NOTCH2NLC: variants seen among roughly 807,000 people sequenced by gnomAD.
NOTCH2NLC encodes notch homolog 2 N-terminal-like protein C.
NOTCH2NLC carries 4 observed loss-of-function variants against 17.7 expected under a neutral mutation model. The ratio of observed to expected loss-of-function variants is 0.23; its 90% confidence interval spans 0.11 to 0.52. The LOEUF is 0.52. Among genes scored for constraint, NOTCH2NLC ranks in the 20% least tolerant of loss-of-function variants. NOTCH2NLC has a pLI of 0.96. For missense variants in NOTCH2NLC, 57 were observed against 207.2 expected (o/e 0.28, Z 4.45); for synonymous variants, 18 against 86.0 (o/e 0.21, Z 4.38).
At chr1:149,460,272 C>A (rs1447861870) in intron 3 of NOTCH2NLC, among the ~76,000 whole-genome samples, 1,913 of 148,470 alleles carry the variant, frequency 0.013, 90 homozygotes, top group Middle Eastern at 0.029. Flanking sequence ...AAATGTCACT[C>A]TGAAATGGTC....
At chr1:149,399,943 A>G (rs1443874710) in intron 1 of NOTCH2NLC, among the ~76,000 whole-genome samples, 1 of 149,848 alleles carries the variant, frequency 6.7e-6, no homozygotes, top group Non-Finnish European at 1.5e-5. Context: ...CCTTTACAAG[A>G]TTTTTTTATT....
chr1:149,449,171 G>C (rs1158695863), intron 2 of NOTCH2NLC, among the ~76,000 whole-genome samples: 3 of 150,884 alleles, frequency 2.0e-5, no homozygotes, highest in Admixed American at 6.6e-5. Flanking sequence ...GTGAGCCACC[G>C]CACCTGGCCT....
At chr1:149,457,813 G>A (rs1186119844) in intron 3 of NOTCH2NLC, among the ~76,000 whole-genome samples, 1 of 82,246 alleles carries the variant, frequency 1.2e-5, no homozygotes, top group Admixed American at 1.4e-4. Context: ...TTAAGGGTGG[G>A]TCTGCCTTCC....
chr1:149,436,112 TCATA>T (rs1289593371), intron 2 of NOTCH2NLC, among the ~76,000 whole-genome samples: 1 of 70,974 alleles, frequency 1.4e-5, no homozygotes, highest in African/African-American at 5.8e-5. Flanking sequence ...TTTCAGAATT[TCATA>T]CATACCACTT....
intron 1 of NOTCH2NLC, among the ~76,000 whole-genome samples, chr1:149,419,856 T>TATATA (rs1491568669): frequency 1.4e-3 from 102 of 73,110 alleles, no homozygotes; most frequent in South Asian, 3.1e-3. Flanking sequence ...TATATATATA[T>TATATA]TTTTTTTTTT....
At chr1:149,440,744 A>G (rs2084512505) in intron 2 of NOTCH2NLC, among the ~76,000 whole-genome samples, 1 of 110,908 alleles carries the variant, frequency 9.0e-6, no homozygotes, top group Non-Finnish European at 1.9e-5. Flanking sequence ...ACGTTTTCTT[A>G]ATGACACAGT....
rs1484973284 is a variant in NOTCH2NLC, at chr1:149,414,854, G to A, written c.136-16088G>A. ...TTTACTCCCCACGTTTCAAATATCCGTTTGCAAAATAATTTTTGAGTTAAA... is the reference window on the plus strand; with the variant it reads ...TTTACTCCCCACGTTTCAAATATCCATTTGCAAAATAATTTTTGAGTTAAA... On this transcript the variant is annotated intron_variant, in intron 1 of 4. Coordinates refer to ENST00000650865, the MANE Select transcript of NOTCH2NLC (RefSeq NM_001364013.2). Among the ~76,000 whole-genome samples the A allele has an allele frequency of 3.4e-4, 50 of 144,932 alleles. 2 individuals carry two copies. The highest frequency in any genetic ancestry group is 4.9e-4 in the Non-Finnish European group (32 of 65,486).
At chr1:149,424,846 G>C (rs1297056113) in intron 1 of NOTCH2NLC, among the ~76,000 whole-genome samples, 1 of 151,046 alleles carries the variant, frequency 6.6e-6, no homozygotes, top group Non-Finnish European at 1.5e-5. Flanking sequence ...AGAGGAGGGA[G>C]CAAGAGAGAT....
intron 1 of NOTCH2NLC, among the ~76,000 whole-genome samples, chr1:149,412,880 C>A: frequency 1.6e-5 from 2 of 128,386 alleles, no homozygotes; most frequent in Admixed American, 7.9e-5. Flanking sequence ...AGTGGCAGTA[C>A]AAAGACAAGA....
At chr1:149,438,833 G>A (rs1276184229) in intron 2 of NOTCH2NLC, among the ~76,000 whole-genome samples, 1 of 129,934 alleles carries the variant, frequency 7.7e-6, no homozygotes, top group African/African-American at 2.9e-5. Flanking sequence ...GATCACTGCA[G>A]CCTCCACCTC....
chr1:149,430,722 C>T (rs2084443867), intron 1 of NOTCH2NLC, among the ~76,000 whole-genome samples: 1 of 150,540 alleles, frequency 6.6e-6, no homozygotes, highest in African/African-American at 2.4e-5. Context: ...ATAAGAGCAT[C>T]ATTGAAGACC....
chr1:149,393,172 CTA>C (rs2084185315), intron 1 of NOTCH2NLC, among the ~76,000 whole-genome samples: 1 of 147,446 alleles, frequency 6.8e-6, no homozygotes, highest in Non-Finnish European at 1.5e-5. Context: ...GTGCATAAAA[CTA>C]TGCCCTCCAC....
chr1:149,408,590 T>A (rs1353305764), intron 1 of NOTCH2NLC, among the ~76,000 whole-genome samples: 2 of 151,306 alleles, frequency 1.3e-5, no homozygotes, highest in African/African-American at 4.8e-5. Flanking sequence ...GTGGGAACTG[T>A]GACTGATACA....
intron 2 of NOTCH2NLC, among the ~76,000 whole-genome samples, chr1:149,451,637 TA>T (rs1460189009): frequency 6.8e-6 from 1 of 147,976 alleles, no homozygotes; most frequent in Admixed American, 6.8e-5. Flanking sequence ...ATGTAAGTAT[TA>T]TCCCATTTAG....
At position 149,390,787 on chromosome 1, in the gene NOTCH2NLC, C is replaced by G. The variant is rs1434900463; in HGVS notation, c.-1C>G. The G allele has an allele frequency of 7.3e-6, 9 of 1,232,236 alleles. No individual in the cohort carries two copies. Among genetic ancestry groups the G allele is most frequent in the Non-Finnish European group, 9.2e-6 (9 of 979,256 alleles). The allele number at this position is 1,232,236 out of a possible 1,614,324, so 76.3% of individuals were successfully genotyped here. On this transcript the variant is annotated 5_prime_UTR_variant, in exon 1 of 5. Transcript: ENST00000650865. ...GGCTCCTCTATCGGGACCCCCTCCC[C>G]ATGTGGATCTGCCCAGGCGGCGGCG...
At position 149,464,819 on chromosome 1, in the gene NOTCH2NLC, CA is replaced by C. The variant is rs2084675523; in HGVS notation, c.*670del. The C allele has an allele frequency of 6.6e-6, 1 of 151,354 alleles. No individual in the cohort carries two copies. The highest frequency in any genetic ancestry group is 6.6e-5 in the Admixed American group (1 of 15,124). 9.4% of individuals were successfully genotyped at this position (151,354 alleles called of 1,614,324 possible). ...TGTGCTAAGTAAGCAGAATTGCCTC[CA>C]AAAGAAGTTGTTCTAGTTACTCTTT... On this transcript the variant is annotated 3_prime_UTR_variant, in exon 5 of 5. Coordinates refer to ENST00000650865, the MANE Select transcript of NOTCH2NLC (RefSeq NM_001364013.2).
At chr1:149,445,777 T>C (rs1293801528) in intron 2 of NOTCH2NLC, among the ~76,000 whole-genome samples, 1 of 149,304 alleles carries the variant, frequency 6.7e-6, no homozygotes, top group African/African-American at 2.5e-5. Flanking sequence ...TTCTGTATAG[T>C]TTTTTTAAAA....
chr1:149,423,475 CTCTT>C (rs1308795303), intron 1 of NOTCH2NLC, among the ~76,000 whole-genome samples: 4 of 149,806 alleles, frequency 2.7e-5, no homozygotes, highest in African/African-American at 4.9e-5. Context: ...TCCCTGATGT[CTCTT>C]TGTCTGCCCT....
intron 2 of NOTCH2NLC, among the ~76,000 whole-genome samples, chr1:149,448,616 C>T (rs2084568869): frequency 6.6e-6 from 1 of 150,738 alleles, no homozygotes; most frequent in Non-Finnish European, 1.5e-5. Context: ...TTGAACTGCG[C>T]TCTCACGATG....
Sources: allele counts gnomAD v4.1 joint callset (sites outside exome capture counted in the v4.1 genomes callset), GRCh38; gene constraint gnomAD v4.1.1; transcripts MANE v1.5; gene names NCBI Gene and HGNC (gene_info 2026-07-23, HGNC 2026-07-21).